The following ABCA13 variants were observed in gnomAD, a reference collection of about 807,000 sequenced individuals.
ABCA13 encodes ATP-binding cassette sub-family A member 13.
Under a neutral mutation model 478.7 loss-of-function variants are expected in ABCA13, and 476 were observed. The ratio of observed to expected loss-of-function variants is 0.99; its 90% CI spans 0.92 to 1.07. ABCA13 has a LOEUF of 1.07. ABCA13 is among the 50% of genes least tolerant of loss of function. The pLI, the probability that ABCA13 is intolerant of heterozygous loss-of-function variation, is 0.00. For synonymous variants in ABCA13, 2,252 were observed against 2,158.9 expected (o/e 1.04, Z -1.20); for missense variants, 6,060 against 5,910.6 (o/e 1.03, Z -0.83).
chr7:48,525,078 T>C (rs1832797441), intron 54 of ABCA13, among the ~76,000 whole-genome samples: 1 of 152,162 alleles, frequency 6.6e-6, no homozygotes, highest in Admixed American at 6.5e-5. Context: ...AAATAGGTTA[T>C]ATTGTTATCT....
chr7:48,591,326 G>T (rs1248899754), intron 57 of ABCA13, among the ~76,000 whole-genome samples: 1 of 151,790 alleles, frequency 6.6e-6, no homozygotes, highest in African/African-American at 2.4e-5. Context: ...TCTTTTCTAT[G>T]AATCTATACA....
chr7:48,395,689 A>C (rs1816746738), intron 38 of ABCA13, among the ~76,000 whole-genome samples: 1 of 152,228 alleles, frequency 6.6e-6, no homozygotes, highest in South Asian at 2.1e-4. Context: ...CTAGTTAGAC[A>C]ATAGTAAATA....
intron 55 of ABCA13, among the ~76,000 whole-genome samples, chr7:48,549,318 G>T (rs1402065820): frequency 6.6e-6 from 1 of 151,758 alleles, no homozygotes; most frequent in Non-Finnish European, 1.5e-5. Flanking sequence ...TGTGGTGTTT[G>T]GTTTTCTGTT....
At chr7:48,544,024 CTATA>C (rs1784588837) in intron 55 of ABCA13, among the ~76,000 whole-genome samples, 1 of 151,320 alleles carries the variant, frequency 6.6e-6, no homozygotes, top group Non-Finnish European at 1.5e-5. Flanking sequence ...GGTATTGTTC[CTATA>C]TATTTAACAA....
intron 19 of ABCA13, among the ~76,000 whole-genome samples, chr7:48,285,271 C>T (rs1346416696): frequency 6.6e-6 from 1 of 152,116 alleles, no homozygotes; most frequent in African/African-American, 2.4e-5. Flanking sequence ...GCTGGCAGAT[C>T]TGGAAAGCCA....
At chr7:48,208,474 A>T (rs964149351) in intron 3 of ABCA13, among the ~76,000 whole-genome samples, 2 of 151,954 alleles carry the variant, frequency 1.3e-5, no homozygotes, top group African/African-American at 4.8e-5. Context: ...TGTCCTCTTC[A>T]ATTTCTTTCA....
chr7:48,315,348 T>C (rs1308681772), intron 26 of ABCA13, among the ~76,000 whole-genome samples: 1 of 152,246 alleles, frequency 6.6e-6, no homozygotes, highest in Admixed American at 6.5e-5. Flanking sequence ...TTTGTACATA[T>C]CGTGACTATA....
At chr7:48,284,184 A>G (rs1797418632) in intron 19 of ABCA13, among the ~76,000 whole-genome samples, 1 of 152,150 alleles carries the variant, frequency 6.6e-6, no homozygotes, top group Non-Finnish European at 1.5e-5. Flanking sequence ...CTTTTTTTGT[A>G]ATACAAATGG....
At chr7:48,331,533 C>G (rs947874350) in intron 27 of ABCA13, among the ~76,000 whole-genome samples, 11 of 152,206 alleles carry the variant, frequency 7.2e-5, no homozygotes, top group Admixed American at 2.6e-4. Flanking sequence ...GTGGGCACCT[C>G]TTCATTTAGA....
Position 48,455,026 on chromosome 7 carries a change from C to T in ABCA13, c.12566-11C>T. ...CTGACCCAGCCGCCCTTCCTCCCGC[C>T]CGTCCTGCAGGTGGCTCCCTAGCAC... is the stretch of plus-strand genomic sequence containing the variant. On this transcript the variant is annotated splice_polypyrimidine_tract_variant and intron_variant, in intron 42 of 61. Coordinates refer to ENST00000435803, the MANE Select transcript of ABCA13 (RefSeq NM_152701.5). The T allele has an allele frequency of 6.7e-7, 1 of 1,489,004 alleles. No individual in the cohort carries two copies. The highest frequency in any genetic ancestry group is 2.5e-5 in the East Asian group (1 of 40,122). 92.2% of individuals were successfully genotyped at this position (1,489,004 alleles called of 1,614,324 possible). A position where few individuals can be genotyped will look rare whatever the true frequency, so the allele number is the denominator to read the frequency against.
intron 31 of ABCA13, among the ~76,000 whole-genome samples, chr7:48,357,266 A>G (rs1810079276): frequency 2.6e-5 from 4 of 151,916 alleles, no homozygotes; most frequent in Admixed American, 2.6e-4. Flanking sequence ...ACTTCAGGTA[A>G]CTTTATTAAA....
intron 6 of ABCA13, among the ~76,000 whole-genome samples, chr7:48,229,501 G>A (rs1414887836): frequency 6.6e-6 from 1 of 152,198 alleles, no homozygotes; most frequent in Non-Finnish European, 1.5e-5. Flanking sequence ...CAGCTGCCCT[G>A]CGGCAGGAAG....
In ABCA13 at chr7:48,537,261, A is replaced by G. The variant is rs117304388; in HGVS notation, c.14354+8916A>G. 4.5e-3 allele frequency among the ~76,000 whole-genome samples: 691 copies of G among 151,934 alleles called. 5 individuals carry two copies. Among genetic ancestry groups the G allele is most frequent in the Non-Finnish European group, 5.1e-3 (347 of 67,950 alleles). ...GATTTAAGTGTTTTTTGTGTTTTTC[A>G]TCTTAAAATAAAAAATCAAATTATG... is the stretch of plus-strand genomic sequence containing the variant. On this transcript the variant is annotated intron_variant, in intron 55 of 61. Coordinates refer to ENST00000435803, the MANE Select transcript of ABCA13 (RefSeq NM_152701.5).
At chr7:48,239,629 C>G (rs905950188) in intron 9 of ABCA13, among the ~76,000 whole-genome samples, 3 of 152,256 alleles carry the variant, frequency 2.0e-5, no homozygotes, top group Admixed American at 1.3e-4. Context: ...ACCAAACAGT[C>G]TATCCTAGGC....
At chr7:48,458,373 G>A (rs1825894252) in intron 43 of ABCA13, among the ~76,000 whole-genome samples, 1 of 152,132 alleles carries the variant, frequency 6.6e-6, no homozygotes, top group South Asian at 2.1e-4. Context: ...TATAACATCT[G>A]TGAGCAGTCT....
chr7:48,543,078 C>T (rs956407193), intron 55 of ABCA13, among the ~76,000 whole-genome samples: 1 of 151,376 alleles, frequency 6.6e-6, no homozygotes, highest in Non-Finnish European at 1.5e-5. Context: ...ATTTTCTATC[C>T]CTCAAAGAAA....
At chr7:48,210,630 T>A (rs932855745) in intron 3 of ABCA13, among the ~76,000 whole-genome samples, 2 of 152,104 alleles carry the variant, frequency 1.3e-5, no homozygotes, top group Non-Finnish European at 2.9e-5. Flanking sequence ...GTTCACTATT[T>A]CTGTGTTTTT....
At chr7:48,375,216 G>T (rs536051427) in intron 34 of ABCA13, among the ~76,000 whole-genome samples, 1 of 151,900 alleles carries the variant, frequency 6.6e-6, no homozygotes, top group Non-Finnish European at 1.5e-5. Context: ...TCTATCCCCC[G>T]GTCTGTGGAA....
At chr7:48,196,942 G>C (rs950576866) in intron 2 of ABCA13, among the ~76,000 whole-genome samples, 1 of 152,174 alleles carries the variant, frequency 6.6e-6, no homozygotes, top group African/African-American at 2.4e-5. Flanking sequence ...TACAACTTTA[G>C]AATGAAGCCA....
Sources: allele counts gnomAD v4.1 joint callset (sites outside exome capture counted in the v4.1 genomes callset), GRCh38; gene constraint gnomAD v4.1.1; transcripts MANE v1.5; gene names NCBI Gene and HGNC (gene_info 2026-07-23, HGNC 2026-07-21).